Variants in MCU observed in about 807,000 individuals in gnomAD.
MCU encodes mitochondrial calcium uniporter.
Under a neutral mutation model 45.2 loss-of-function variants are expected in MCU, and 12 were observed. That is an observed-to-expected ratio of 0.27 (90% confidence interval 0.17 to 0.43). MCU has a LOEUF of 0.43. MCU is among the 20% of genes least tolerant of loss of function. The pLI is 1.00. For synonymous variants in MCU, 160 were observed against 165.1 expected (o/e 0.97, Z 0.24); for missense variants, 324 against 436.7 (o/e 0.74, Z 2.30).
chr10:72,774,144 T>C (rs73286750), intron 1 of MCU, among the ~76,000 whole-genome samples: 8,021 of 152,252 alleles, frequency 0.053, 713 homozygotes, highest in African/African-American at 0.18. Context: ...AGTACACTTA[T>C]AACTCTAATA....
intron 1 of MCU, among the ~76,000 whole-genome samples, chr10:72,816,196 G>A (rs1303253102): frequency 1.3e-5 from 2 of 151,840 alleles, no homozygotes; most frequent in African/African-American, 4.8e-5. Flanking sequence ...AACTCTAGAG[G>A]GATCTTTTAG....
chr10:72,798,520 G>C (rs2132776057), intron 1 of MCU, among the ~76,000 whole-genome samples: 1 of 152,236 alleles, frequency 6.6e-6, no homozygotes, highest in South Asian at 2.1e-4. Context: ...TCGACTTCCT[G>C]ACCTCGTGAT....
chr10:72,723,629 T>G (rs1843053594), intron 1 of MCU, among the ~76,000 whole-genome samples: 1 of 152,224 alleles, frequency 6.6e-6, no homozygotes, highest in Non-Finnish European at 1.5e-5. Context: ...TATTTTGCTT[T>G]TTTTGCTCAG....
At chr10:72,742,749 AT>A (rs752072877) in intron 1 of MCU, among the ~76,000 whole-genome samples, 2 of 152,184 alleles carry the variant, frequency 1.3e-5, no homozygotes, top group Non-Finnish European at 2.9e-5. Flanking sequence ...CTATAGATAA[AT>A]TGCAGGGATT....
At chr10:72,767,829 ATAAT>A (rs1843749771) in intron 1 of MCU, among the ~76,000 whole-genome samples, 1 of 152,226 alleles carries the variant, frequency 6.6e-6, no homozygotes, top group Non-Finnish European at 1.5e-5. Flanking sequence ...AAATGAAATA[ATAAT>A]TCACAGTCTT....
intron 1 of MCU, among the ~76,000 whole-genome samples, chr10:72,731,552 C>T (rs1042399136): frequency 6.6e-6 from 1 of 152,072 alleles, no homozygotes; most frequent in Non-Finnish European, 1.5e-5. Flanking sequence ...TCACCAATAT[C>T]TGATTCCAGA....
intron 6 of MCU, among the ~76,000 whole-genome samples, chr10:72,879,132 A>G (rs1845662350): frequency 6.6e-6 from 1 of 152,100 alleles, no homozygotes; most frequent in Admixed American, 6.6e-5. Flanking sequence ...GGCATGTGGC[A>G]CACATCTGTA....
intron 2 of MCU, among the ~76,000 whole-genome samples, chr10:72,835,617 G>A (rs1844945631): frequency 6.6e-6 from 1 of 152,086 alleles, no homozygotes; most frequent in Non-Finnish European, 1.5e-5. Context: ...TATAGACAGT[G>A]TGCTCATATT....
At chr10:72,750,927 T>G (rs1184722709) in intron 1 of MCU, among the ~76,000 whole-genome samples, 1 of 152,282 alleles carries the variant, frequency 6.6e-6, no homozygotes, top group African/African-American at 2.4e-5. Flanking sequence ...CTTATTTCAC[T>G]CAGCACAATG....
chr10:72,854,566 AGACT>A (rs1845258435), intron 2 of MCU, among the ~76,000 whole-genome samples: 1 of 152,344 alleles, frequency 6.6e-6, no homozygotes, highest in African/African-American at 2.4e-5. Context: ...TATTATTTGA[AGACT>A]GACTGTGATA....
At chr10:72,702,298 C>T (rs920672146) in intron 1 of MCU, among the ~76,000 whole-genome samples, 1 of 151,990 alleles carries the variant, frequency 6.6e-6, no homozygotes, top group African/African-American at 2.4e-5. Context: ...AAATAAGTCC[C>T]ATCCAGTAAA....
At chr10:72,746,539 G>A (rs1564545316) in intron 1 of MCU, among the ~76,000 whole-genome samples, 1 of 152,190 alleles carries the variant, frequency 6.6e-6, no homozygotes, top group East Asian at 1.9e-4. Context: ...TAAGCAGCAA[G>A]CCCAAGTCTG....
intron 1 of MCU, among the ~76,000 whole-genome samples, chr10:72,752,138 C>T (rs1035632111): frequency 3.9e-5 from 6 of 152,118 alleles, no homozygotes; most frequent in Non-Finnish European, 5.9e-5. Flanking sequence ...CATGCCCGGC[C>T]GCACATTTAT....
intron 1 of MCU, among the ~76,000 whole-genome samples, chr10:72,693,389 A>G (rs1461292629): frequency 6.6e-6 from 1 of 152,166 alleles, no homozygotes; most frequent in East Asian, 1.9e-4. Flanking sequence ...TGAGTTGTAT[A>G]GTGTGATTAT....
intron 1 of MCU, among the ~76,000 whole-genome samples, chr10:72,718,581 T>C (rs1030352702): frequency 4.6e-5 from 7 of 152,232 alleles, no homozygotes; most frequent in Admixed American, 6.5e-5. Flanking sequence ...GTTCATTAGT[T>C]ATTTACAAAA....
rs1844174939 is a variant in MCU, at chr10:72,792,373, T to C, written c.151-41986T>C. 2.0e-5 allele frequency among the ~76,000 whole-genome samples: 3 copies of C among 152,310 alleles called. 1 individual carries two copies. In the South Asian group the frequency reaches 6.2e-4, roughly 32 times the overall value. ...GAGTCAAAACTTTTCCGATTTGTGC[T>C]TAAGGAAGAGAAGCTTTGTTTAAAA... On this transcript the variant is annotated intron_variant, in intron 1 of 7. Coordinates refer to ENST00000373053, the MANE Select transcript of MCU (RefSeq NM_138357.3).
intron 1 of MCU, among the ~76,000 whole-genome samples, chr10:72,806,007 A>T (rs1369924251): frequency 6.6e-6 from 1 of 152,166 alleles, no homozygotes; most frequent in East Asian, 1.9e-4. Context: ...TTCTCTAACC[A>T]GAAGAATGGG....
chr10:72,796,959 AGAATTT>A (rs1268997475), intron 1 of MCU, among the ~76,000 whole-genome samples: 1 of 152,070 alleles, frequency 6.6e-6, no homozygotes, highest in African/African-American at 2.4e-5. Flanking sequence ...GCTACTTCTT[AGAATTT>A]ATTGATGTTT....
chr10:72,862,345 T>A (rs2132873001), intron 4 of MCU, among the ~76,000 whole-genome samples: 1 of 152,270 alleles, frequency 6.6e-6, no homozygotes, highest in South Asian at 2.1e-4. Context: ...CTCACTGCTG[T>A]TGTTAATGCC....
Sources: allele counts gnomAD v4.1 joint callset (sites outside exome capture counted in the v4.1 genomes callset), GRCh38; gene constraint gnomAD v4.1.1; transcripts MANE v1.5; gene names NCBI Gene and HGNC (gene_info 2026-07-23, HGNC 2026-07-21).